ARAP2: variants seen among roughly 807,000 people sequenced by gnomAD.
ARAP2 encodes ArfGAP with RhoGAP domain, ankyrin repeat and PH domain 2.
Under a neutral mutation model 194.5 loss-of-function variants are expected in ARAP2, and 148 were observed. That is an observed-to-expected ratio of 0.76 (90% CI 0.67 to 0.87). The LOEUF (loss-of-function observed/expected upper bound fraction) is 0.87. Ranked by LOEUF, ARAP2 falls within the 40% of genes least tolerant of loss-of-function variation. ARAP2 has a pLI of 0.00. For synonymous variants in ARAP2, 695 were observed against 683.5 expected, an observed-to-expected ratio of 1.02 and a Z score of -0.26; for missense variants, 2,128 against 1,989.7, an observed-to-expected ratio of 1.07 and a Z score of -1.32.
chr4:36,243,200 G>C (rs1420523607), intron 1 of ARAP2, among the ~76,000 whole-genome samples: 1 of 151,882 alleles, frequency 6.6e-6, no homozygotes, highest in Non-Finnish European at 1.5e-5. Context: ...GCCTGTGGGG[G>C]TGTAGAGTGC....
At chr4:36,012,414 C>T (rs1249980244) in intron 9 of ARAP2, 1 of 152,166 alleles carries the variant, frequency 6.6e-6, no homozygotes, top group African/African-American at 2.4e-5. Context: ...TATTTTTCAA[C>T]TTTACTTAGT....
In ARAP2 at chr4:36,228,948, G is replaced by T; in HGVS notation, c.539C>A (p.Ser180Ter). ...ATCCACAGTCTTCTTTGTAATCAATGATTCTATTTTAATATTGTCACTACC... is the reference window on the plus strand; with the variant it reads ...ATCCACAGTCTTCTTTGTAATCAATTATTCTATTTTAATATTGTCACTACC... ...LFGSDNIKIE[S>*]LITKKTVDHT... Residue 180 changes from serine to a stop codon, truncating the protein, a stop_gained, in exon 2 of 33, where the codon TCA (serine) becomes TAA (stop). Coordinates refer to ENST00000303965, the MANE Select transcript of ARAP2 (RefSeq NM_015230.4). LOFTEE classifies it high-confidence loss of function. The T allele has an allele frequency of 6.2e-7, 1 of 1,614,030 alleles. No homozygotes were observed. The highest frequency in any genetic ancestry group is 8.5e-7 in the Non-Finnish European group (1 of 1,179,972).
intron 15 of ARAP2, among the ~76,000 whole-genome samples, chr4:36,153,677 T>C (rs1376021238): frequency 6.6e-6 from 1 of 152,192 alleles, no homozygotes; most frequent in African/African-American, 2.4e-5. Context: ...ACTGAAATGC[T>C]ACCATGGAAT....
At chr4:36,131,664 A>T (rs1725486789) in intron 20 of ARAP2, among the ~76,000 whole-genome samples, 1 of 151,764 alleles carries the variant, frequency 6.6e-6, no homozygotes. Flanking sequence ...TAAATTGGCT[A>T]CATCAGAGCT....
downstream of ARAP2, among the ~76,000 whole-genome samples, chr4:36,061,055 A>G (rs371522939): frequency 2.0e-5 from 3 of 152,128 alleles, 1 homozygote; most frequent in East Asian, 3.8e-4. Context: ...TGCTAGAAGC[A>G]GTTTTTTAAT....
In ARAP2 at chr4:36,160,589, A is replaced by G; in HGVS notation, c.2312T>C (p.Leu771Pro). Residue 771 changes from leucine (L) to proline (P), a missense_variant, in exon 13 of 33, where the codon CTT becomes CCT. Leu to Pro is a moderately conservative substitution (Grantham distance 98). Coordinates refer to ENST00000303965, the MANE Select transcript of ARAP2 (RefSeq NM_015230.4). ...KRANDFWAGN[L>P]QKDEELHMDS... ...CATATGTAATTCTTCATCCTTTTGA[A>G]GATTACCAGCCCAAAAGTCATTTGC... 3 of 1,522,624 alleles carry G rather than the reference A, an allele frequency of 2.0e-6. No individual in the cohort carries two copies. The highest frequency in any genetic ancestry group is 2.5e-5 in the East Asian group (1 of 39,248). The allele number at this position is 1,522,624 out of a possible 1,614,324, so 94.3% of individuals were successfully genotyped here.
intron 16 of ARAP2, among the ~76,000 whole-genome samples, chr4:36,149,901 A>G (rs918884357): frequency 1.3e-5 from 2 of 152,174 alleles, no homozygotes; most frequent in African/African-American, 4.8e-5. Context: ...TTTCTCATAT[A>G]AAAATCTTAT....
At chr4:36,099,885 T>G (rs1212083179) in intron 27 of ARAP2, among the ~76,000 whole-genome samples, 1 of 152,082 alleles carries the variant, frequency 6.6e-6, no homozygotes, top group African/African-American at 2.4e-5. Context: ...CTTGTTTAAT[T>G]AATGGAGGGA....
At position 36,212,553 on chromosome 4, in the gene ARAP2, T is replaced by C. The variant is rs566328527; in HGVS notation, c.1042-66A>G. On this transcript the variant is annotated intron_variant, in intron 4 of 32. Coordinates refer to ENST00000303965, the MANE Select transcript of ARAP2 (RefSeq NM_015230.4). ...GCTTTTTGGTTTGGGGATTTGTTTG[T>C]ATGTGTAGCAATATTCTACAAAAAT... is the stretch of plus-strand genomic sequence containing the variant. 38 of 1,084,936 alleles carry C rather than the reference T, an allele frequency of 3.5e-5. No homozygotes were observed. In the South Asian group the frequency reaches 4.7e-4, roughly 13 times the overall value. The allele number at this position is 1,084,936 out of a possible 1,614,324, so 67.2% of individuals were successfully genotyped here. A position where few individuals can be genotyped will look rare whatever the true frequency, so the allele number is the denominator to read the frequency against.
chr4:36,124,341 G>T (rs1723370920), intron 22 of ARAP2, among the ~76,000 whole-genome samples: 2 of 151,544 alleles, frequency 1.3e-5, no homozygotes, highest in South Asian at 4.2e-4. Context: ...GACTTAAAAG[G>T]TTATTTTCAA....
chr4:36,065,470 G>C (rs1725246781), downstream of ARAP2: 2 of 353,464 alleles, frequency 5.7e-6, no homozygotes, highest in African/African-American at 4.3e-5. Context: ...GGCCTTTGAT[G>C]GGCTGGCTGC....
chr4:36,233,632 C>A (rs190650610), intron 1 of ARAP2, among the ~76,000 whole-genome samples: 2 of 152,318 alleles, frequency 1.3e-5, no homozygotes, highest in Middle Eastern at 3.4e-3. Flanking sequence ...TAGGCCCGTG[C>A]CCATGTCAAT....
chr4:36,208,240 T>C (rs780017735), intron 6 of ARAP2, among the ~76,000 whole-genome samples: 1 of 152,106 alleles, frequency 6.6e-6, no homozygotes, highest in Non-Finnish European at 1.5e-5. Flanking sequence ...ATGTTACTCT[T>C]GGGGAAAGAG....
chr4:36,157,458 G>A (rs768807087), intron 15 of ARAP2: 5 of 151,386 alleles, frequency 3.3e-5, no homozygotes, highest in East Asian at 1.9e-4. Flanking sequence ...ACCAATTGTC[G>A]AAAGAACCAA....
chr4:36,215,328 A>T (rs2109290496), intron 2 of ARAP2, among the ~76,000 whole-genome samples: 1 of 152,340 alleles, frequency 6.6e-6, no homozygotes, highest in East Asian at 1.9e-4. Context: ...GTTCCGAAGA[A>T]ATGCGGTGGA....
intron 6 of ARAP2, among the ~76,000 whole-genome samples, chr4:36,205,601 GAAAA>G (rs34235282): frequency 6.7e-6 from 1 of 148,418 alleles, no homozygotes; most frequent in Non-Finnish European, 1.5e-5. Context: ...ATGGTGTCCT[GAAAA>G]AAAAAAAAAA....
intron 9 of ARAP2, among the ~76,000 whole-genome samples, chr4:36,168,065 G>A (rs954632214): frequency 5.3e-5 from 8 of 151,524 alleles, no homozygotes; most frequent in Admixed American, 3.9e-4. Context: ...GTTAGAGACT[G>A]TGAAAGAGCC....
intron 6 of ARAP2, among the ~76,000 whole-genome samples, chr4:36,017,561 T>TA (rs1716055636): frequency 1.5e-4 from 1 of 6,486 alleles, no homozygotes; most frequent in Non-Finnish European, 2.4e-4. Context: ...CCTAAGAAAG[T>TA]GGTAAAAAAA....
At chr4:36,138,451 G>A (rs4833121) in intron 19 of ARAP2, among the ~76,000 whole-genome samples, 45,584 of 151,450 alleles carry the variant, frequency 0.3, 8,112 homozygotes, top group East Asian at 0.46. Flanking sequence ...AAGCTTCATA[G>A]GAATGGAATT....
Sources: allele counts gnomAD v4.1 joint callset (sites outside exome capture counted in the v4.1 genomes callset), GRCh38; gene constraint gnomAD v4.1.1; transcripts MANE v1.5; gene names NCBI Gene and HGNC (gene_info 2026-07-23, HGNC 2026-07-21).